The following CATSPERT variants were observed in gnomAD, a reference collection of about 807,000 sequenced individuals.
The protein encoded by CATSPERT is cation channel sperm-associated targeting subunit tau.
the CATSPERT span, among the ~76,000 whole-genome samples, chr2:201,603,529 T>C: frequency 6.6e-6 from 1 of 152,280 alleles, no homozygotes; most frequent in East Asian, 1.9e-4. Context: ...AGAATAATAA[T>C]TCATTATTAA....
At chr2:201,526,061 A>G in the CATSPERT span, among the ~76,000 whole-genome samples, 1 of 152,182 alleles carries the variant, frequency 6.6e-6, no homozygotes, top group Non-Finnish European at 1.5e-5. Context: ...TACCAATTCT[A>G]CTGAAACTAT....
the CATSPERT span, among the ~76,000 whole-genome samples, chr2:201,617,885 A>G: frequency 2.0e-5 from 3 of 152,260 alleles, no homozygotes; most frequent in African/African-American, 7.2e-5. Flanking sequence ...AACCCCATCA[A>G]AAAGTGGGCA....
At chr2:201,602,220 T>C in the CATSPERT span, among the ~76,000 whole-genome samples, 2 of 152,130 alleles carry the variant, frequency 1.3e-5, no homozygotes, top group Non-Finnish European at 2.9e-5. Flanking sequence ...ATGTAGAAAT[T>C]CAAAATATTT....
chr2:201,544,543 T>TCACACACACA, the CATSPERT span, among the ~76,000 whole-genome samples: 123 of 150,490 alleles, frequency 8.2e-4, no homozygotes, highest in South Asian at 2.5e-3. Flanking sequence ...ACTTTCTTTT[T>TCACACACACA]CACACACACA....
the CATSPERT span, among the ~76,000 whole-genome samples, chr2:201,566,572 A>G: frequency 5.9e-5 from 9 of 152,104 alleles, no homozygotes; most frequent in Admixed American, 6.5e-5. Flanking sequence ...TCCATGGTGT[A>G]TATGTGCCAC....
chr2:201,503,504 A>C, the CATSPERT span, among the ~76,000 whole-genome samples: 1 of 152,116 alleles, frequency 6.6e-6, no homozygotes, highest in Non-Finnish European at 1.5e-5. Context: ...AAGTGATCCT[A>C]CTGCCTCAGC....
the CATSPERT span, chr2:201,494,002 T>G: frequency 7.2e-6 from 11 of 1,536,620 alleles, no homozygotes; most frequent in Non-Finnish European, 8.7e-6. Flanking sequence ...TTTAATTACT[T>G]GACCACCTTC....
At chr2:201,617,943 C>T in the CATSPERT span, among the ~76,000 whole-genome samples, 1 of 152,106 alleles carries the variant, frequency 6.6e-6, no homozygotes. Context: ...ATGCAGCCAA[C>T]AGACACATGA....
the CATSPERT span, among the ~76,000 whole-genome samples, chr2:201,526,404 G>C: frequency 6.6e-6 from 1 of 152,092 alleles, no homozygotes; most frequent in African/African-American, 2.4e-5. Flanking sequence ...TGTAGTCCCA[G>C]CTACTCAGGA....
chr2:201,589,989 TTTA>T, the CATSPERT span, among the ~76,000 whole-genome samples: 1 of 151,474 alleles, frequency 6.6e-6, no homozygotes, highest in East Asian at 1.9e-4. Flanking sequence ...TATTTATTTA[TTTA>T]TTATTATTAT....
chr2:201,495,894 C>G, the CATSPERT span: 1 of 1,576,796 alleles, frequency 6.3e-7, no homozygotes. Context: ...TCAGGACTCA[C>G]CTGAAATTTT....
the CATSPERT span, among the ~76,000 whole-genome samples, chr2:201,577,057 C>T: frequency 2.6e-5 from 4 of 152,126 alleles, no homozygotes; most frequent in African/African-American, 9.7e-5. Context: ...CATACTTGGC[C>T]TATGTGACAG....
At chr2:201,509,203 G>A in the CATSPERT span, among the ~76,000 whole-genome samples, 3 of 150,718 alleles carry the variant, frequency 2.0e-5, no homozygotes, top group Non-Finnish European at 4.4e-5. Flanking sequence ...TGGGTGGGAG[G>A]TGATAATTCA....
the CATSPERT span, among the ~76,000 whole-genome samples, chr2:201,507,889 G>C: frequency 6.6e-6 from 1 of 152,092 alleles, no homozygotes; most frequent in Non-Finnish European, 1.5e-5. Context: ...AGGGGGAAGT[G>C]TCACACACTT....
At chr2:201,603,108 G>A in the CATSPERT span, 2 of 826,666 alleles carry the variant, frequency 2.4e-6, no homozygotes, top group Non-Finnish European at 3.8e-6. Context: ...AGTGATTGAT[G>A]ATAAAATGGT....
At chr2:201,534,528 A>T in the CATSPERT span, 1 of 982,390 alleles carries the variant, frequency 1.0e-6, no homozygotes, top group African/African-American at 1.8e-5. Context: ...TAAAACCTAA[A>T]CAAAATCCCC....
At chr2:201,574,305 G>T in the CATSPERT span, 1 of 1,562,356 alleles carries the variant, frequency 6.4e-7, no homozygotes, top group South Asian at 1.2e-5. Context: ...TTTATTGTTT[G>T]ATCAGGATGA....
At chr2:201,521,259 T>TA in the CATSPERT span, among the ~76,000 whole-genome samples, 3 of 152,204 alleles carry the variant, frequency 2.0e-5, 1 homozygote, top group South Asian at 4.1e-4. Flanking sequence ...CACACTGTTA[T>TA]AAAAAACTAC....
chr2:201,592,694 C>T, the CATSPERT span, among the ~76,000 whole-genome samples: 2 of 152,024 alleles, frequency 1.3e-5, no homozygotes, highest in Non-Finnish European at 2.9e-5. Flanking sequence ...TCAACTTCTT[C>T]CTGGTTTAGT....
Sources: allele counts gnomAD v4.1 joint callset (sites outside exome capture counted in the v4.1 genomes callset), GRCh38; gene constraint gnomAD v4.1.1; transcripts MANE v1.5; gene names NCBI Gene and HGNC (gene_info 2026-07-23, HGNC 2026-07-21).